Variants in TRIP11 observed in about 807,000 individuals in gnomAD.
The protein encoded by TRIP11 is thyroid receptor-interacting protein 11.
In TRIP11, 148 loss-of-function variants were observed where a neutral mutation model predicts 223.1. The ratio of observed to expected loss-of-function variants is 0.66; its 90% CI spans 0.58 to 0.76. The LOEUF (loss-of-function observed/expected upper bound fraction) is 0.76, where lower values mean the gene tolerates loss of function less well. TRIP11 is among the 30% of genes least tolerant of loss of function. TRIP11 has a pLI of 0.00. For missense variants in TRIP11, 2,043 were observed against 2,222.0 expected (o/e 0.92, Z 1.62); for synonymous variants, 762 against 772.6 (o/e 0.99, Z 0.23).
At chr14:91,983,835 G>A (rs2056572423) in intron 16 of TRIP11, among the ~76,000 whole-genome samples, 1 of 152,132 alleles carries the variant, frequency 6.6e-6, no homozygotes, top group African/African-American at 2.4e-5. Flanking sequence ...ATGTTTTCTT[G>A]TATAAATCAT....
chr14:92,018,243 T>TTA (rs2057061571), intron 4 of TRIP11, among the ~76,000 whole-genome samples: 2 of 151,838 alleles, frequency 1.3e-5, no homozygotes, highest in Non-Finnish European at 2.9e-5. Context: ...TACAAGCACA[T>TTA]GCCAGCATGC....
At chr14:91,969,956 C>T in intron 20 of TRIP11, 63 bp from the exon 21 acceptor site, 1 of 1,454,586 alleles carries the variant, frequency 6.9e-7, no homozygotes, top group Non-Finnish European at 9.5e-7. Flanking sequence ...TGAAATAACT[C>T]TGAATGTAAT....
rs746807783 is a variant in TRIP11, at chr14:91,995,551, T to C, written c.4893-36A>G. On this transcript the variant is annotated intron_variant, in intron 13 of 20. Transcript: ENST00000267622. ...AAAGAATAAAAGTCAAACTGCTTCATCTATTTAGATACTTTAACAAGAAGA... is the reference window on the plus strand; with the variant it reads ...AAAGAATAAAAGTCAAACTGCTTCACCTATTTAGATACTTTAACAAGAAGA... 5 of 1,611,406 alleles carry C rather than the reference T, an allele frequency of 3.1e-6. No homozygotes were observed. In the Admixed American group the frequency reaches 6.7e-5, roughly 21 times the overall value.
rs2056416346 is a variant in TRIP11 at position 91,972,873 on chromosome 14, T to G, written c.5575-12A>C. On this transcript the variant is annotated splice_polypyrimidine_tract_variant and intron_variant, in intron 19 of 20. Coordinates refer to ENST00000267622, the MANE Select transcript of TRIP11 (RefSeq NM_004239.4). ...AGTTCTGAAAAAGACTAAGAAAAAATATTTTGGTTATATTAGGCTAGATAA... is the reference window on the plus strand; with the variant it reads ...AGTTCTGAAAAAGACTAAGAAAAAAGATTTTGGTTATATTAGGCTAGATAA... 6.2e-7 allele frequency: 1 copy of G among 1,603,492 alleles called. No homozygotes were observed.
intron 10 of TRIP11, 95 bp from the exon 11 acceptor site, chr14:92,006,543 C>T: frequency 1.6e-6 from 2 of 1,282,496 alleles, no homozygotes; most frequent in Non-Finnish European, 2.2e-6. Context: ...AGAAAATAAT[C>T]CTCAAATATT....
At chr14:92,038,904 G>A (rs927397224) in intron 1 of TRIP11, among the ~76,000 whole-genome samples, 1 of 152,202 alleles carries the variant, frequency 6.6e-6, no homozygotes, top group Admixed American at 6.5e-5. Flanking sequence ...CTTCAAAAAT[G>A]AGTGAAGATT....
At chr14:92,021,108 A>G (rs985576092) in intron 4 of TRIP11, among the ~76,000 whole-genome samples, 1 of 147,452 alleles carries the variant, frequency 6.8e-6, no homozygotes, top group African/African-American at 2.5e-5. Context: ...AGTCACTGGC[A>G]GAGGCCAGGC....
chr14:92,012,510 C>T (rs891960802), intron 7 of TRIP11, among the ~76,000 whole-genome samples: 6 of 152,002 alleles, frequency 3.9e-5, no homozygotes, highest in African/African-American at 1.5e-4. Context: ...GCTATGAGAA[C>T]AAACAGGGTA....
rs748835033 is a variant in TRIP11, at chr14:91,999,875, G to A, written c.4698+93C>T. On this transcript the variant is annotated intron_variant, in intron 12 of 20. Transcript: ENST00000267622. ...GAAGAATAAGAAAAATCACCTAACA[G>A]AGAAATTCATTTTCACTGATCACCT... is the stretch of plus-strand genomic sequence containing the variant. 199 of 1,535,662 alleles carry A rather than the reference G, an allele frequency of 1.3e-4. 1 individual carries two copies. The highest frequency in any genetic ancestry group is 8.6e-5 in the Admixed American group (5 of 58,058).
intron 15 of TRIP11, among the ~76,000 whole-genome samples, chr14:91,993,085 T>C (rs968247951): frequency 2.6e-5 from 4 of 151,214 alleles, no homozygotes; most frequent in Admixed American, 6.6e-5. Context: ...AGGATGTTAT[T>C]ATACAAAAAA....
chr14:91,986,790 G>T (rs2056609351), intron 16 of TRIP11, among the ~76,000 whole-genome samples: 1 of 152,144 alleles, frequency 6.6e-6, no homozygotes, highest in Non-Finnish European at 1.5e-5. Flanking sequence ...TGTTGTAGTT[G>T]CACTGGCCTT....
intron 11 of TRIP11, among the ~76,000 whole-genome samples, chr14:92,001,895 A>C (rs2056831769): frequency 6.6e-6 from 1 of 152,218 alleles, no homozygotes; most frequent in Non-Finnish European, 1.5e-5. Context: ...GAACACCTTA[A>C]CACTGATAAT....
At position 91,968,391 on chromosome 14, in the gene TRIP11, C is replaced by T. The variant is rs2056360596; in HGVS notation, c.*1282G>A. The T allele has an allele frequency of 1.5e-5, 3 of 205,386 alleles. No homozygotes were observed. Among genetic ancestry groups the T allele is most frequent in the African/African-American group, 6.9e-5 (3 of 43,692 alleles). 12.7% of individuals were successfully genotyped at this position (205,386 alleles called of 1,614,324 possible). On this transcript the variant is annotated 3_prime_UTR_variant, in exon 21 of 21. Transcript: ENST00000267622. ...AAGAAATACTTTCTTAAGTTTCAAA[C>T]ATCTGGGTACTGGTGCTATCAAAGT...
At chr14:92,007,895 G>A (rs749614443) in intron 9 of TRIP11, 43 bp from the exon 10 acceptor site, 36 of 1,489,412 alleles carry the variant, frequency 2.4e-5, no homozygotes, top group Non-Finnish European at 9.2e-7. Context: ...CTTTCAATTG[G>A]AGACACCAAA....
chr14:91,988,388 G>A lies in TRIP11; in HGVS notation c.5161-5C>T, dbSNP rs772343613. On this transcript the variant is annotated splice_region_variant and splice_polypyrimidine_tract_variant and intron_variant, in intron 15 of 20. Transcript: ENST00000267622. ...ATTTGCTTCATCCAAACATTCCTGA[G>A]AAAGAAAACTTTATTAAAAAAAAGT... The A allele has an allele frequency of 2.5e-6, 4 of 1,612,364 alleles. No individual in the cohort carries two copies. In the East Asian group the frequency reaches 8.9e-5, roughly 36 times the overall value.
chr14:91,995,278 A>G, intron 14 of TRIP11, 74 bp downstream of exon 14: 1 of 1,578,212 alleles, frequency 6.3e-7, no homozygotes, highest in Non-Finnish European at 8.7e-7. Flanking sequence ...CCTCATCTAA[A>G]ATAGCTCTCA....
rs983528212 is a variant in TRIP11, at chr14:92,029,286, T to A, written c.202-3866A>T. ...CTGCATTGCCCAAAGTATTATTTTT[T>A]TTTTTTTTTTTTTTTTTTTTTTTTT... On this transcript the variant is annotated intron_variant, in intron 2 of 20. Coordinates refer to ENST00000267622, the MANE Select transcript of TRIP11 (RefSeq NM_004239.4). Among the ~76,000 whole-genome samples, 267 of 28,258 alleles carry A rather than the reference T, an allele frequency of 9.4e-3. 2 individuals carry two copies. The highest frequency in any genetic ancestry group is 0.019 in the South Asian group (9 of 486). The allele number at this position is 28,258 out of a possible 152,430, so 18.5% of individuals were successfully genotyped here.
chr14:92,015,610 A>G (rs2057025751), intron 6 of TRIP11, 86 bp downstream of exon 6: 3 of 1,178,118 alleles, frequency 2.5e-6, no homozygotes, highest in Non-Finnish European at 2.4e-6. Flanking sequence ...GTGAGCCGAG[A>G]TCGCGCCAGT....
At chr14:91,971,157 CT>C (rs1188576629) in intron 20 of TRIP11, among the ~76,000 whole-genome samples, 1 of 152,194 alleles carries the variant, frequency 6.6e-6, no homozygotes, top group Non-Finnish European at 1.5e-5. Flanking sequence ...CCTCTGACAA[CT>C]TCAATGGTAA....
Sources: gnomAD v4.1 joint callset for allele counts (sites outside exome capture counted in the v4.1 genomes callset) on GRCh38, gnomAD v4.1.1 for gene constraint, MANE v1.5 for transcripts, NCBI Gene and HGNC (gene_info 2026-07-23, HGNC 2026-07-21) for gene names.